IQGAP1: variants seen among roughly 807,000 people sequenced by gnomAD.
The protein encoded by IQGAP1 is ras GTPase-activating-like protein IQGAP1.
IQGAP1 carries 66 observed loss-of-function variants against 215.6 expected under a neutral mutation model. The observed-to-expected ratio is 0.31, with a 90% CI of 0.25 to 0.38. The LOEUF is 0.38. Among genes scored for constraint, IQGAP1 ranks in the 10% least tolerant of loss-of-function variants. The pLI is 1.00. For missense variants in IQGAP1, 1,712 were observed against 1,997.1 expected, an observed-to-expected ratio of 0.86 and a Z score of 2.72; for synonymous variants, 772 against 728.7, an observed-to-expected ratio of 1.06 and a Z score of -0.96.
intron 2 of IQGAP1, among the ~76,000 whole-genome samples, chr15:90,419,667 G>A (rs1255570150): frequency 6.6e-6 from 1 of 152,170 alleles, no homozygotes; most frequent in African/African-American, 2.4e-5. Context: ...AAGGTATGTT[G>A]TGGAGATTAG....
chr15:90,448,841 G>A (rs1396988098), intron 10 of IQGAP1, 105 bp downstream of exon 10: 11 of 1,012,304 alleles, frequency 1.1e-5, no homozygotes, highest in Non-Finnish European at 1.2e-5. Context: ...CCCCCAATAC[G>A]ACTTTTTCCT....
At chr15:90,453,072 T>C in intron 12 of IQGAP1, 60 bp from the exon 13 acceptor site, 1 of 1,561,136 alleles carries the variant, frequency 6.4e-7, no homozygotes, top group East Asian at 2.2e-5. Flanking sequence ...AACTTATAAC[T>C]CCCTGGGTCT....
In IQGAP1 at chr15:90,492,565, G is replaced by A; in HGVS notation, c.4482G>A (p.Arg1494=). 2 of 1,608,128 alleles carry A rather than the reference G, an allele frequency of 1.2e-6. No homozygotes were observed. Among genetic ancestry groups the A allele is most frequent in the Non-Finnish European group, 1.7e-6 (2 of 1,178,366 alleles). The change falls in exon 35 of 38, where the codon AGG becomes AGA. Residue 1494 remains arginine (R), a synonymous_variant. Coordinates refer to ENST00000268182, the MANE Select transcript of IQGAP1 (RefSeq NM_003870.4). ...DIARDIRNQR[R]YRQRRKAELV... is the part of the protein sequence containing the mutation. ...CTCAGGATATTCGGAATCAGCGGAG[G>A]TACCGACAGAGGAGAAAGGCCGAAC...
intron 2 of IQGAP1, among the ~76,000 whole-genome samples, chr15:90,416,050 A>G (rs1427132479): frequency 6.6e-6 from 1 of 151,838 alleles, no homozygotes; most frequent in Non-Finnish European, 1.5e-5. Flanking sequence ...TTTAAGTTCC[A>G]GGGTACATGT....
intron 5 of IQGAP1, among the ~76,000 whole-genome samples, chr15:90,437,998 AGT>A: frequency 1.3e-5 from 2 of 152,288 alleles, no homozygotes; most frequent in East Asian, 3.9e-4. Context: ...TATAAATTCT[AGT>A]GTGTTTTGAG....
intron 2 of IQGAP1, among the ~76,000 whole-genome samples, chr15:90,394,539 T>G (rs1465171608): frequency 6.6e-6 from 1 of 152,186 alleles, no homozygotes; most frequent in Non-Finnish European, 1.5e-5. Context: ...TAGTGAGCTA[T>G]TAACCTCTTC....
intron 36 of IQGAP1, among the ~76,000 whole-genome samples, chr15:90,496,305 CCTTTTTTTTTT>C (rs1966272421): frequency 8.5e-6 from 1 of 118,204 alleles, no homozygotes; most frequent in Non-Finnish European, 1.6e-5. Context: ...CAGCATAATC[CCTTTTTTTTTT>C]TTTTTTTTTT....
rs988753840 is a variant in IQGAP1 at position 90,388,487 on chromosome 15, G to T, written c.55+91G>T. On this transcript the variant is annotated intron_variant, in intron 1 of 37. Coordinates refer to ENST00000268182, the MANE Select transcript of IQGAP1 (RefSeq NM_003870.4). ...CCTGGGGGCTCGGCCGGGCGGGTGGGGCAGGGCGGCTGCCGGCAGCTCGGA... is the reference window on the plus strand; with the variant it reads ...CCTGGGGGCTCGGCCGGGCGGGTGGTGCAGGGCGGCTGCCGGCAGCTCGGA... The T allele has an allele frequency of 5.0e-5, 54 of 1,078,082 alleles. 3 individuals are homozygous for T. In the East Asian group the frequency reaches 1.6e-3, roughly 32 times the overall value. The allele number at this position is 1,078,082 out of a possible 1,614,324, so 66.8% of individuals were successfully genotyped here.
chr15:90,483,292 G>A, intron 28 of IQGAP1, 69 bp from the exon 29 acceptor site: 2 of 1,193,468 alleles, frequency 1.7e-6, no homozygotes, highest in Non-Finnish European at 2.5e-6. Context: ...TTCTTTGCTA[G>A]CAAAGTCATT....
rs1299417312 is a variant in IQGAP1, at chr15:90,482,030, T to A, written c.3400T>A (p.Ser1134Thr). 1.2e-6 allele frequency: 2 copies of A among 1,614,064 alleles called. No individual in the cohort carries two copies. The highest frequency in any genetic ancestry group is 2.7e-5 in the African/African-American group (2 of 74,922). ...HEEVKTRLDSSIRNMRAVTDK... is the reference protein window; with the variant it reads ...HEEVKTRLDSTIRNMRAVTDK... ...AGAAGTGAAGACACGGCTAGACAGC[T>A]CCATCAGGAACATGCGGGCTGTGAC... is the stretch of plus-strand genomic sequence containing the variant. The change falls in exon 27 of 38, where the codon TCC becomes ACC. Residue 1134 changes from serine (S) to threonine (T), a missense_variant. By Grantham distance (58) the Ser-to-Thr change is moderately conservative. Coordinates refer to ENST00000268182, the MANE Select transcript of IQGAP1 (RefSeq NM_003870.4).
intron 8 of IQGAP1, 59 bp downstream of exon 8, chr15:90,441,743 G>C: frequency 8.2e-7 from 1 of 1,226,546 alleles, no homozygotes. Context: ...ATTTGATATG[G>C]CTCCAGTTTA....
At chr15:90,420,816 A>G (rs1408142484) in intron 2 of IQGAP1, among the ~76,000 whole-genome samples, 1 of 152,232 alleles carries the variant, frequency 6.6e-6, no homozygotes, top group Non-Finnish European at 1.5e-5. Flanking sequence ...TCAAACTCTC[A>G]GACTCAGGCA....
intron 9 of IQGAP1, among the ~76,000 whole-genome samples, chr15:90,444,764 T>C (rs1012080308): frequency 6.6e-6 from 1 of 152,256 alleles, no homozygotes; most frequent in African/African-American, 2.4e-5. Context: ...TGCAGTTCTT[T>C]ATGCAATATT....
chr15:90,477,400 T>A (rs1250922335), intron 25 of IQGAP1, among the ~76,000 whole-genome samples, 170 bp downstream of exon 25: 2 of 152,028 alleles, frequency 1.3e-5, no homozygotes, highest in Non-Finnish European at 2.9e-5. Context: ...TTGCTGCTTC[T>A]AGGGAAGGGA....
Position 90,422,646 on chromosome 15 carries a change from G to GTA in IQGAP1, c.156-3452_156-3451dup, listed in dbSNP as rs1176836911. Among the ~76,000 whole-genome samples the GTA allele has an allele frequency of 1.5e-3, 88 of 60,226 alleles. 3 individuals are homozygous for GTA. Among genetic ancestry groups the GTA allele is most frequent in the Admixed American group, 0.011 (49 of 4,500 alleles). 39.5% of individuals were successfully genotyped at this position (60,226 alleles called of 152,430 possible). A position where few individuals can be genotyped will look rare whatever the true frequency, so the allele number is the denominator to read the frequency against. The stretch of plus-strand genomic sequence containing the variant: ...TATATGTATATATATATATGTATAT[G>GTA]TATATATATATATGTATATATATAT... On this transcript the variant is annotated intron_variant, in intron 2 of 37. Coordinates refer to ENST00000268182, the MANE Select transcript of IQGAP1 (RefSeq NM_003870.4).
At chr15:90,468,372 C>T (rs959795230) in intron 18 of IQGAP1, among the ~76,000 whole-genome samples, 6 of 152,148 alleles carry the variant, frequency 3.9e-5, no homozygotes, top group Non-Finnish European at 5.9e-5. Flanking sequence ...GCCCATTCAA[C>T]AGTTATTTGT....
chr15:90,484,113 G>T lies in IQGAP1; in HGVS notation c.3789-107G>T, dbSNP rs981245820. The T allele has an allele frequency of 3.2e-6, 3 of 949,638 alleles. No homozygotes were observed. In the Admixed American group the frequency reaches 7.0e-5, roughly 22 times the overall value. 58.8% of individuals were successfully genotyped at this position (949,638 alleles called of 1,614,324 possible). ...AGCACTTTCTCTTGAAGTAACTGTT[G>T]ACTGGCTTCTGTTTGCACTCATTGT... On this transcript the variant is annotated intron_variant, in intron 29 of 37. Transcript: ENST00000268182.
intron 2 of IQGAP1, among the ~76,000 whole-genome samples, chr15:90,411,000 G>C (rs996814615): frequency 1.3e-5 from 2 of 152,034 alleles, no homozygotes; most frequent in Non-Finnish European, 2.9e-5. Context: ...ACTCTTTCCT[G>C]TTCAATTCAT....
At chr15:90,426,069 C>G in intron 2 of IQGAP1, 41 bp from the exon 3 acceptor site, 2 of 1,566,148 alleles carry the variant, frequency 1.3e-6, no homozygotes, top group Non-Finnish European at 1.7e-6. Flanking sequence ...AAAGTTCTGA[C>G]CTTCCCTTTC....
Sources: gnomAD v4.1 joint callset for allele counts (sites outside exome capture counted in the v4.1 genomes callset) on GRCh38, gnomAD v4.1.1 for gene constraint, MANE v1.5 for transcripts, NCBI Gene and HGNC (gene_info 2026-07-23, HGNC 2026-07-21) for gene names.